Variants in UNC13C observed in about 807,000 individuals in gnomAD.
UNC13C encodes unc-13 homolog C, also known as protein unc-13 homolog C.
A neutral mutation model predicts 245.4 loss-of-function variants in UNC13C; 174 were observed. The ratio of observed to expected loss-of-function variants is 0.71; its 90% CI spans 0.63 to 0.80. The LOEUF (loss-of-function observed/expected upper bound fraction) is 0.80, where lower values mean the gene tolerates loss of function less well. UNC13C is among the 30% of genes least tolerant of loss of function. The pLI, the probability that UNC13C is intolerant of heterozygous loss-of-function variation, is 0.00. For missense variants in UNC13C, 2,829 were observed against 2,602.9 expected (o/e 1.09, Z -1.89); for synonymous variants, 992 against 895.1 (o/e 1.11, Z -1.93).
chr15:54,099,903 T>C (rs1460814459), intron 2 of UNC13C, among the ~76,000 whole-genome samples: 1 of 152,010 alleles, frequency 6.6e-6, no homozygotes, highest in Non-Finnish European at 1.5e-5. Context: ...GAAATCAGCC[T>C]GGCCAGCATG....
chr15:53,839,366 C>T, the UNC13C span, among the ~76,000 whole-genome samples: 1 of 151,906 alleles, frequency 6.6e-6, no homozygotes, highest in Non-Finnish European at 1.5e-5. Context: ...TTCCTTCAAC[C>T]CTATATAGAA....
At chr15:54,171,342 A>C (rs2033390634) in intron 4 of UNC13C, among the ~76,000 whole-genome samples, 1 of 152,160 alleles carries the variant, frequency 6.6e-6, no homozygotes, top group Non-Finnish European at 1.5e-5. Context: ...AAATATTTGC[A>C]AACTACCCAT....
intron 29 of UNC13C, among the ~76,000 whole-genome samples, chr15:54,560,403 C>T (rs764702557): frequency 5.3e-5 from 8 of 150,798 alleles, no homozygotes; most frequent in South Asian, 2.1e-4. Context: ...AGCATGCAGG[C>T]AATATTTTTC....
the UNC13C span, among the ~76,000 whole-genome samples, chr15:53,870,236 T>C: frequency 2.0e-5 from 3 of 152,228 alleles, no homozygotes; most frequent in Non-Finnish European, 4.4e-5. Context: ...GTTTACCAAG[T>C]CTCACCCAAC....
intron 29 of UNC13C, among the ~76,000 whole-genome samples, chr15:54,562,474 G>A (rs1418144301): frequency 3.3e-5 from 5 of 151,958 alleles, no homozygotes; most frequent in South Asian, 2.1e-4. Context: ...CTCTTGCCAC[G>A]TCATCTACAA....
chr15:54,498,378 AAGATAATT>A (rs1894048586), intron 20 of UNC13C, among the ~76,000 whole-genome samples: 1 of 152,124 alleles, frequency 6.6e-6, no homozygotes, highest in African/African-American at 2.4e-5. Context: ...CAACTCCAAG[AAGATAATT>A]AGATAATTAA....
At chr15:54,068,872 G>C (rs1898190822) in intron 2 of UNC13C, among the ~76,000 whole-genome samples, 2 of 152,114 alleles carry the variant, frequency 1.3e-5, no homozygotes, top group African/African-American at 4.8e-5. Flanking sequence ...AATATTGACA[G>C]GTCACCGTGC....
intron 17 of UNC13C, among the ~76,000 whole-genome samples, chr15:54,369,044 T>G (rs59049191): frequency 6.8e-4 from 104 of 152,242 alleles, no homozygotes; most frequent in African/African-American, 2.4e-3. Context: ...TTTGTTCAAG[T>G]ATAACTTATA....
intron 29 of UNC13C, among the ~76,000 whole-genome samples, chr15:54,555,907 T>A (rs1322381435): frequency 6.6e-6 from 1 of 152,110 alleles, no homozygotes; most frequent in Non-Finnish European, 1.5e-5. Flanking sequence ...TGTTTTTATA[T>A]GTTTTCTATG....
At chr15:54,077,940 C>T (rs928691591) in intron 2 of UNC13C, among the ~76,000 whole-genome samples, 11 of 152,090 alleles carry the variant, frequency 7.2e-5, no homozygotes, top group African/African-American at 4.8e-5. Context: ...AAACGTAGTA[C>T]CTAATACGTA....
intron 2 of UNC13C, among the ~76,000 whole-genome samples, chr15:54,027,634 G>A (rs970401541): frequency 1.2e-4 from 19 of 152,278 alleles, no homozygotes; most frequent in Non-Finnish European, 1.5e-4. Flanking sequence ...GCCTCCCCAA[G>A]TGCTGGGATC....
chr15:54,617,534 T>C (rs1159354953), intron 30 of UNC13C, among the ~76,000 whole-genome samples: 1 of 152,036 alleles, frequency 6.6e-6, no homozygotes, highest in African/African-American at 2.4e-5. Flanking sequence ...ATGTAAACAA[T>C]ACCTTACAAG....
At chr15:54,321,573 AC>A (rs2038160314) in intron 13 of UNC13C, 1 of 391,732 alleles carries the variant, frequency 2.6e-6, no homozygotes, top group Admixed American at 3.2e-5. Flanking sequence ...GTTCCCCGTC[AC>A]CCCTCAGACT....
At chr15:53,947,358 G>A in the UNC13C span, among the ~76,000 whole-genome samples, 2 of 152,130 alleles carry the variant, frequency 1.3e-5, no homozygotes, top group Non-Finnish European at 2.9e-5. Flanking sequence ...ATTAATATTT[G>A]TAAAATGGAT....
intron 30 of UNC13C, among the ~76,000 whole-genome samples, chr15:54,584,544 A>G (rs1370452724): frequency 6.6e-6 from 1 of 152,378 alleles, no homozygotes; most frequent in Non-Finnish European, 1.5e-5. Context: ...AGGCAGTGAA[A>G]GTCCTTATGA....
At chr15:53,897,514 AAGT>A in the UNC13C span, among the ~76,000 whole-genome samples, 1 of 152,224 alleles carries the variant, frequency 6.6e-6, no homozygotes, top group South Asian at 2.1e-4. Context: ...TCCTGGCCTC[AAGT>A]GATCTTCCCA....
intron 4 of UNC13C, among the ~76,000 whole-genome samples, chr15:54,158,503 TAG>T (rs976920815): frequency 6.6e-6 from 1 of 152,078 alleles, no homozygotes; most frequent in Non-Finnish European, 1.5e-5. Context: ...GTATTTTTAG[TAG>T]AGACGGGATT....
intron 17 of UNC13C, among the ~76,000 whole-genome samples, chr15:54,371,973 G>A (rs1050895388): frequency 2.0e-5 from 3 of 152,096 alleles, no homozygotes; most frequent in African/African-American, 7.2e-5. Flanking sequence ...TGTCCTTGTT[G>A]ATCAAAGCAC....
At chr15:53,946,684 T>TG in the UNC13C span, among the ~76,000 whole-genome samples, 1 of 150,120 alleles carries the variant, frequency 6.7e-6, no homozygotes, top group Non-Finnish European at 1.5e-5. Flanking sequence ...TTTTTTTTTT[T>TG]TTTTTTTTTT....
Sources: allele counts gnomAD v4.1 joint callset (sites outside exome capture counted in the v4.1 genomes callset), GRCh38; gene constraint gnomAD v4.1.1; transcripts MANE v1.5; gene names NCBI Gene and HGNC (gene_info 2026-07-23, HGNC 2026-07-21).